The following PPP1R9B variants were observed in gnomAD, a reference collection of about 807,000 sequenced individuals.
The protein encoded by PPP1R9B is protein phosphatase 1 regulatory subunit 9B, also known as neurabin-2.
A neutral mutation model predicts 75.8 loss-of-function variants in PPP1R9B; 17 were observed. That is an observed-to-expected ratio of 0.22 (90% CI 0.15 to 0.34). The LOEUF (loss-of-function observed/expected upper bound fraction) is 0.34, where lower values mean the gene tolerates loss of function less well. Among genes scored for constraint, PPP1R9B ranks in the 10% least tolerant of loss-of-function variants. The pLI, the probability that PPP1R9B is intolerant of heterozygous loss-of-function variation, is 1.00. For synonymous variants in PPP1R9B, 509 were observed against 535.4 expected, an observed-to-expected ratio of 0.95 and a Z score of 0.68; for missense variants, 875 against 1,196.0, an observed-to-expected ratio of 0.73 and a Z score of 3.96.
Position 50,150,409 on chromosome 17 carries a change from C to A in PPP1R9B, c.105G>T (p.Ala35=). 11 of 1,396,394 alleles carry A rather than the reference C, an allele frequency of 7.9e-6. No homozygotes were observed. Among genetic ancestry groups the A allele is most frequent in the Non-Finnish European group, 1.0e-5 (11 of 1,072,484 alleles). The allele number at this position is 1,396,394 out of a possible 1,614,324, so 86.5% of individuals were successfully genotyped here. Residue 35 remains alanine, a synonymous_variant, in exon 1 of 10, where the codon GCG becomes GCT. Transcript: ENST00000612501. This position sits in a 1 kb window ranked among gnomAD's most constrained non-coding sequence, Gnocchi z 8.7. ...AGIQALKPPD[A]PGPDEAPKGA... is the part of the protein sequence containing the mutation. Reference sequence around the variant, plus strand: ...CCTTGGGTGCCTCGTCGGGCCCGGGCGCGTCGGGCGGCTTCAGCGCCTGGA... The same window carrying A: ...CCTTGGGTGCCTCGTCGGGCCCGGGAGCGTCGGGCGGCTTCAGCGCCTGGA...
chr17:50,140,901 G>A (rs1265396675), intron 4 of PPP1R9B, among the ~76,000 whole-genome samples: 1 of 152,158 alleles, frequency 6.6e-6, no homozygotes, highest in Non-Finnish European at 1.5e-5. Flanking sequence ...TCGGGGTGGG[G>A]GGCATGAGGT....
chr17:50,135,336 T>C lies in PPP1R9B; in HGVS notation c.2449A>G (p.Thr817Ala). The change falls in exon 10 of 10, where the codon ACT becomes GCT. Residue 817 changes from threonine to alanine, a missense_variant. Coordinates refer to ENST00000612501, the MANE Select transcript of PPP1R9B (RefSeq NM_032595.5). ...NLQTLRNSNS[T>A] ...CAGTCATGGAATGATTCCTGTTAAG[T>C]AGAATTGGAATTCCTCAGTGTTTGC... 3.1e-6 allele frequency: 5 copies of C among 1,612,686 alleles called. No homozygotes were observed. The highest frequency in any genetic ancestry group is 4.2e-6 in the Non-Finnish European group (5 of 1,178,886).
In PPP1R9B at chr17:50,141,364, C is replaced by G; in HGVS notation, c.1635G>C (p.Val545=). The G allele has an allele frequency of 6.3e-7, 1 of 1,582,062 alleles. No homozygotes were observed. Among genetic ancestry groups the G allele is most frequent in the Non-Finnish European group, 8.6e-7 (1 of 1,164,438 alleles). Residue 545 remains valine (V), a synonymous_variant, in exon 4 of 10, where the codon GTG becomes GTC. Transcript: ENST00000612501. ...GAAHRDGRIQ[V]NDLLVEVDGT... is the part of the protein sequence containing the mutation. ...CATCCACCTCCACCAGGAGATCATT[C>G]ACCTGGATCCTAGCGGAGTGACATT...
In PPP1R9B at chr17:50,139,976, G is replaced by A; in HGVS notation, c.1866+117C>T. 3 of 1,130,666 alleles carry A rather than the reference G, an allele frequency of 2.7e-6. No individual in the cohort carries two copies. The highest frequency in any genetic ancestry group is 4.1e-4 in the Middle Eastern group (2 of 4,924). 70.0% of individuals were successfully genotyped at this position (1,130,666 alleles called of 1,614,324 possible). The stretch of plus-strand genomic sequence containing the variant: ...GACAAAGAGTGTGACTGGAGGACAG[G>A]GAATGGCACTGTGGGCTTTTTACTA... On this transcript the variant is annotated intron_variant, in intron 5 of 9. Coordinates refer to ENST00000612501, the MANE Select transcript of PPP1R9B (RefSeq NM_032595.5). This position sits in a 1 kb window ranked among gnomAD's most constrained non-coding sequence, Gnocchi z 5.0.
At position 50,150,061 on chromosome 17, in the gene PPP1R9B, G is replaced by C; in HGVS notation, c.453C>G (p.Phe151Leu). 1.4e-6 allele frequency: 2 copies of C among 1,458,564 alleles called. No individual in the cohort carries two copies. Among genetic ancestry groups the C allele is most frequent in the East Asian group, 3.0e-5 (1 of 33,380 alleles). 90.4% of individuals were successfully genotyped at this position (1,458,564 alleles called of 1,614,324 possible). A position where few individuals can be genotyped will look rare whatever the true frequency, so the allele number is the denominator to read the frequency against. ...CTGCGGCCGCTGGGGCGCTCCGTTC[G>C]AACAGCTTCCGCGTCTCCTGCAGCC... ...PSRLQETRKLFERSAPAAAGG... is the reference protein window; with the variant it reads ...PSRLQETRKLLERSAPAAAGG... The change falls in exon 1 of 10, where the codon TTC (phenylalanine) becomes TTG (leucine). Residue 151 changes from phenylalanine to leucine, a missense_variant. Phe to Leu is a conservative substitution (Grantham distance 22, BLOSUM62 0). Coordinates refer to ENST00000612501, the MANE Select transcript of PPP1R9B (RefSeq NM_032595.5). This position sits in a 1 kb window ranked among gnomAD's most constrained non-coding sequence, Gnocchi z 8.7.
In PPP1R9B at chr17:50,145,224, C is replaced by T. The variant is rs766825879; in HGVS notation, c.1393G>A (p.Glu465Lys). Residue 465 changes from glutamate (E) to lysine (K), a missense_variant, in exon 2 of 10, where the codon GAG becomes AAG. Around this residue, in one of 4 missense-constraint regions of PPP1R9B, gnomAD observed 63 missense variants for 160.2 expected, o/e 0.39. Coordinates refer to ENST00000612501, the MANE Select transcript of PPP1R9B (RefSeq NM_032595.5). ...TCCTCGTTGCGACGATCGTAATCCT[C>T]GTTGGAGTAAGTGCTGAACACCTGG... is the stretch of plus-strand genomic sequence containing the variant. ...PIQVFSTYSN[E>K]DYDRRNEDVD... 3.1e-6 allele frequency: 5 copies of T among 1,613,722 alleles called. No homozygotes were observed. The highest frequency in any genetic ancestry group is 1.7e-5 in the Admixed American group (1 of 60,008).
intron 3 of PPP1R9B, 40 bp from the exon 4 acceptor site, chr17:50,141,413 G>T: frequency 7.1e-7 from 1 of 1,412,020 alleles, no homozygotes; most frequent in Non-Finnish European, 9.7e-7. Context: ...CAGGGGAACC[G>T]AGGAGCGAGG....
rs572954582 is a variant in PPP1R9B at position 50,134,858 on chromosome 17, G to T, written c.*473C>A. 1.2e-4 allele frequency: 21 copies of T among 173,400 alleles called. No homozygotes were observed. The East Asian group carries it at 3.2e-3, about 27-fold the overall frequency. 10.7% of individuals were successfully genotyped at this position (173,400 alleles called of 1,614,324 possible). A position where few individuals can be genotyped will look rare whatever the true frequency, so the allele number is the denominator to read the frequency against. On this transcript the variant is annotated 3_prime_UTR_variant, in exon 10 of 10. Coordinates refer to ENST00000612501, the MANE Select transcript of PPP1R9B (RefSeq NM_032595.5). The stretch of plus-strand genomic sequence containing the variant: ...ATGCAACAGAGACGGCACAATGATG[G>T]GGGGAGAGGGAAGGGCCGAGAAGGT...
Position 50,150,004 on chromosome 17 carries a change from C to G in PPP1R9B, c.510G>C (p.Leu170=), listed in dbSNP as rs1437060127. ...GGDKEAAARR[L]LRQERAGLQD... Reference sequence around the variant, plus strand: ...GCAGGCCGGCGCGCTCCTGCCTCAGCAGCCGCCGCGCCGCGGCCTCCTTGT... The same window carrying G: ...GCAGGCCGGCGCGCTCCTGCCTCAGGAGCCGCCGCGCCGCGGCCTCCTTGT... The change falls in exon 1 of 10, where the codon CTG becomes CTC. Residue 170 remains leucine, a synonymous_variant. Transcript: ENST00000612501. This position sits in a 1 kb window ranked among gnomAD's most constrained non-coding sequence, Gnocchi z 8.7. 1 of 1,491,044 alleles carries G rather than the reference C, an allele frequency of 6.7e-7. No individual in the cohort carries two copies. The highest frequency in any genetic ancestry group is 2.9e-5 in the East Asian group (1 of 34,652). The allele number at this position is 1,491,044 out of a possible 1,614,324, so 92.4% of individuals were successfully genotyped here.
intron 2 of PPP1R9B, among the ~76,000 whole-genome samples, chr17:50,144,588 C>A (rs555121976): frequency 6.6e-6 from 1 of 152,192 alleles, no homozygotes; most frequent in African/African-American, 2.4e-5. Flanking sequence ...AAGCCCCTTT[C>A]CTGACTACTC....
Position 50,150,133 on chromosome 17 carries a change from C to T in PPP1R9B, c.381G>A (p.Lys127=), listed in dbSNP as rs766842512. 1 of 1,428,748 alleles carries T rather than the reference C, an allele frequency of 7.0e-7. No homozygotes were observed. Among genetic ancestry groups the T allele is most frequent in the South Asian group, 1.4e-5 (1 of 70,658 alleles). 88.5% of individuals were successfully genotyped at this position (1,428,748 alleles called of 1,614,324 possible). The change falls in exon 1 of 10, where the codon AAG becomes AAA. Residue 127 remains lysine (K), a synonymous_variant. Coordinates refer to ENST00000612501, the MANE Select transcript of PPP1R9B (RefSeq NM_032595.5). The surrounding 1 kb of genome is among the most constrained non-coding windows in gnomAD (Gnocchi z 8.7). ...GCGCAGGCTGCGCGGAGGGCGCGGG[C>T]TTGGAGTCGAAGCGGCTCACGCGCT... is the stretch of plus-strand genomic sequence containing the variant. ...VSERVSRFDS[K]PAPSAQPAPP...
rs371845025 is a variant in PPP1R9B at position 50,135,537 on chromosome 17, G to C, written c.2400+16C>G. On this transcript the variant is annotated intron_variant, in intron 9 of 9. Transcript: ENST00000612501. ...TCCCTCCACTGGGCCCTGCCCACAGGGCGCCCCAGGCCCACCTTGTCCAGG... is the reference window on the plus strand; with the variant it reads ...TCCCTCCACTGGGCCCTGCCCACAGCGCGCCCCAGGCCCACCTTGTCCAGG... 140 of 1,607,014 alleles carry C rather than the reference G, an allele frequency of 8.7e-5. No homozygotes were observed. The highest frequency in any genetic ancestry group is 1.2e-4 in the Non-Finnish European group (138 of 1,175,408).
At position 50,135,957 on chromosome 17, in the gene PPP1R9B, C is replaced by CCCCCCCCCCCCG; in HGVS notation, c.2303+10_2303+11insCGGGGGGGGGGG. ...CCCTGGGCCCAGCCCGCCCAGCCCC[C>CCCCCCCCCCCCG]AGCCACGTACTTCTGCTGGTAGTCC... On this transcript the variant is annotated intron_variant, in intron 8 of 9. Transcript: ENST00000612501. 6.5e-7 allele frequency: 1 copy of CCCCCCCCCCCCG among 1,540,704 alleles called. No individual in the cohort carries two copies. The highest frequency in any genetic ancestry group is 8.8e-7 in the Non-Finnish European group (1 of 1,136,362).
Position 50,150,257 on chromosome 17 carries a change from G to A in PPP1R9B, c.257C>T (p.Ala86Val). ...GGAGLAEAPR[A>V]SERGVRLSLP... ...CGACAGGCGCACGCCGCGCTCGGAC[G>A]CCCGTGGGGCCTCGGCCAGGCCCGC... is the stretch of plus-strand genomic sequence containing the variant. Residue 86 changes from alanine to valine, a missense_variant, in exon 1 of 10, where the codon GCG (alanine) becomes GTG (valine). Physicochemically the swap from Ala to Val is moderately conservative, Grantham distance 64. This residue lies in a region of PPP1R9B where 145 missense variants were observed against 226.1 expected (regional missense o/e 0.64). Coordinates refer to ENST00000612501, the MANE Select transcript of PPP1R9B (RefSeq NM_032595.5). The surrounding 1 kb of genome is among the most constrained non-coding windows in gnomAD (Gnocchi z 8.7). The A allele has an allele frequency of 6.3e-6, 9 of 1,419,014 alleles. No individual in the cohort carries two copies. Among genetic ancestry groups the A allele is most frequent in the Non-Finnish European group, 8.3e-6 (9 of 1,078,854 alleles). The allele number at this position is 1,419,014 out of a possible 1,614,324, so 87.9% of individuals were successfully genotyped here.
chr17:50,139,318 T>C lies in PPP1R9B; in HGVS notation c.2020-2A>G. On this transcript the variant is annotated splice_acceptor_variant, in intron 6 of 9. Transcript: ENST00000612501. LOFTEE classifies it high-confidence loss of function. The surrounding 1 kb of genome is among the most constrained non-coding windows in gnomAD (Gnocchi z 5.0). ...AGTGACCGCATGCTTGATCTGGAGC[T>C]GTTGGGCAGAGGGGCAGGCACTCAG... is the stretch of plus-strand genomic sequence containing the variant. 1 of 1,614,048 alleles carries C rather than the reference T, an allele frequency of 6.2e-7. No homozygotes were observed. Among genetic ancestry groups the C allele is most frequent in the Non-Finnish European group, 8.5e-7 (1 of 1,179,894 alleles).
chr17:50,150,020 G>C lies in PPP1R9B; in HGVS notation c.494C>G (p.Ala165Gly). Residue 165 changes from alanine to glycine, a missense_variant, in exon 1 of 10, where the codon GCC becomes GGC. Physicochemically the swap from Ala to Gly is moderately conservative, Grantham distance 60. Coordinates refer to ENST00000612501, the MANE Select transcript of PPP1R9B (RefSeq NM_032595.5). The surrounding 1 kb of genome is among the most constrained non-coding windows in gnomAD (Gnocchi z 8.7). Reference sequence around the variant, plus strand: ...CTGCCTCAGCAGCCGCCGCGCCGCGGCCTCCTTGTCGCCGCCTGCGGCCGC... The same window carrying C: ...CTGCCTCAGCAGCCGCCGCGCCGCGCCCTCCTTGTCGCCGCCTGCGGCCGC... ...APAAAGGDKE[A>G]AARRLLRQER... 3 of 1,481,622 alleles carry C rather than the reference G, an allele frequency of 2.0e-6. No individual in the cohort carries two copies. Among genetic ancestry groups the C allele is most frequent in the Non-Finnish European group, 2.7e-6 (3 of 1,125,890 alleles). The allele number at this position is 1,481,622 out of a possible 1,614,324, so 91.8% of individuals were successfully genotyped here.
rs759413138 is a variant in PPP1R9B, at chr17:50,136,037, T to C, written c.2234A>G (p.Gln745Arg). The C allele has an allele frequency of 6.2e-7, 1 of 1,609,612 alleles. No individual in the cohort carries two copies. Among genetic ancestry groups the C allele is most frequent in the Non-Finnish European group, 8.5e-7 (1 of 1,178,002 alleles). The stretch of plus-strand genomic sequence containing the variant: ...GCGCTCCAGGGCCTGGTACTGCGCC[T>C]GAGTCTCCCGCAGGTGCTCGTCCAC... ...QAVDEHLRETQAQYQALERKY... is the reference protein window; with the variant it reads ...QAVDEHLRETRAQYQALERKY... The change falls in exon 8 of 10, where the codon CAG becomes CGG. Residue 745 changes from glutamine to arginine, a missense_variant. Physicochemically the swap from Gln to Arg is conservative, Grantham distance 43. Coordinates refer to ENST00000612501, the MANE Select transcript of PPP1R9B (RefSeq NM_032595.5).
chr17:50,148,059 G>A (rs1009383837), intron 1 of PPP1R9B, among the ~76,000 whole-genome samples: 1 of 152,142 alleles, frequency 6.6e-6, no homozygotes, highest in Non-Finnish European at 1.5e-5. Flanking sequence ...AGCCTGGGGC[G>A]GTGAGGAAGA....
rs1442432587 is a variant in PPP1R9B at position 50,134,467 on chromosome 17, T to A, written c.*864A>T. On this transcript the variant is annotated 3_prime_UTR_variant, in exon 10 of 10. Transcript: ENST00000612501. ...TCCCCTTGCCTAAGACCAGGGTCGCTGTAGCCAGACCCCCTTTCCTCCCTG... is the reference window on the plus strand; with the variant it reads ...TCCCCTTGCCTAAGACCAGGGTCGCAGTAGCCAGACCCCCTTTCCTCCCTG... 1 of 152,780 alleles carries A rather than the reference T, an allele frequency of 6.5e-6. No homozygotes were observed. Among genetic ancestry groups the A allele is most frequent in the Non-Finnish European group, 1.5e-5 (1 of 68,156 alleles). 9.5% of individuals were successfully genotyped at this position (152,780 alleles called of 1,614,324 possible).
Sources: allele counts gnomAD v4.1 joint callset (sites outside exome capture counted in the v4.1 genomes callset), GRCh38; gene constraint gnomAD v4.1.1; regional missense constraint gnomAD v4.1.1; non-coding constraint Gnocchi (gnomAD v3.1); transcripts MANE v1.5; gene names NCBI Gene and HGNC (gene_info 2026-07-23, HGNC 2026-07-21).